The following SDR16C5 variants were observed in gnomAD, a reference collection of about 807,000 sequenced individuals.
SDR16C5 encodes the protein epidermal retinol dehydrogenase 2.
In SDR16C5, 20 loss-of-function variants were observed where a neutral mutation model predicts 27.7. The ratio of observed to expected loss-of-function variants is 0.72; its 90% CI spans 0.51 to 1.05. The LOEUF (loss-of-function observed/expected upper bound fraction) is 1.05. Among genes scored for constraint, SDR16C5 ranks in the 50% least tolerant of loss-of-function variants. The pLI is 0.00. For synonymous variants in SDR16C5, 139 were observed against 132.3 expected (o/e 1.05, Z -0.35); for missense variants, 374 against 366.3 (o/e 1.02, Z -0.17).
intron 3 of SDR16C5, among the ~76,000 whole-genome samples, chr8:56,309,981 T>A (rs1814982499): frequency 6.7e-6 from 1 of 148,524 alleles, no homozygotes; most frequent in South Asian, 2.1e-4. Flanking sequence ...GTAAAGGGAG[T>A]GAGATGACAT....
At chr8:56,304,160 A>T (rs1417603005) in intron 6 of SDR16C5, 29 of 679,352 alleles carry the variant, frequency 4.3e-5, no homozygotes, top group Non-Finnish European at 7.5e-5. Context: ...ATGAGAAAAG[A>T]AATTTCTGTA....
At chr8:56,308,803 G>A in intron 4 of SDR16C5, 125 bp downstream of exon 4, 1 of 622,794 alleles carries the variant, frequency 1.6e-6, no homozygotes, top group Middle Eastern at 3.0e-4. Context: ...ACCACTTATT[G>A]ACTATACTTT....
rs764688796 is a variant in SDR16C5, at chr8:56,305,644, C to T, written c.789G>A (p.Met263Ile). ...ATAACAACTTTGGCATATACAAGTACATTTTTTCTTGTAGAATAGCTTCTA... is the reference window on the plus strand; with the variant it reads ...ATAACAACTTTGGCATATACAAGTATATTTTTTCTTGTAGAATAGCTTCTA... ...KIVEAILQEK[M>I]YLYMPKLLYF... The change falls in exon 6 of 7, where the codon ATG becomes ATA. Residue 263 changes from methionine (M) to isoleucine (I), a missense_variant. By Grantham distance (10) the Met-to-Ile change is conservative. Coordinates refer to ENST00000303749, the MANE Select transcript of SDR16C5 (RefSeq NM_138969.4). 2.5e-6 allele frequency: 4 copies of T among 1,596,606 alleles called. No homozygotes were observed. The highest frequency in any genetic ancestry group is 2.7e-5 in the African/African-American group (2 of 73,998).
chr8:56,302,792 G>A (rs760814250), intron 6 of SDR16C5, among the ~76,000 whole-genome samples: 53 of 151,660 alleles, frequency 3.5e-4, no homozygotes, highest in Admixed American at 1.1e-3. Context: ...ACCAGCCTGG[G>A]CAACATAGCA....
At chr8:56,317,047 C>T (rs570569869) in intron 1 of SDR16C5, among the ~76,000 whole-genome samples, 2 of 152,140 alleles carry the variant, frequency 1.3e-5, no homozygotes, top group Non-Finnish European at 2.9e-5. Context: ...AGGTCACAGG[C>T]GAGGCAGACC....
intron 2 of SDR16C5, among the ~76,000 whole-genome samples, chr8:56,314,146 G>C (rs988438216): frequency 6.6e-6 from 1 of 151,994 alleles, no homozygotes; most frequent in East Asian, 1.9e-4. Context: ...GGTGGAGTTT[G>C]CAGTGAGCCA....
At chr8:56,309,814 G>T (rs960642606) in intron 3 of SDR16C5, among the ~76,000 whole-genome samples, 31 of 152,090 alleles carry the variant, frequency 2.0e-4, no homozygotes, top group African/African-American at 7.0e-4. Context: ...CAAACACTCT[G>T]GGGTCTGCCA....
intron 2 of SDR16C5, among the ~76,000 whole-genome samples, chr8:56,313,236 T>C (rs551665885): frequency 6.6e-6 from 1 of 152,222 alleles, no homozygotes; most frequent in Non-Finnish European, 1.5e-5. Flanking sequence ...TTAATCAATA[T>C]GATGGGACAT....
chr8:56,303,620 G>A (rs192842658), intron 6 of SDR16C5, among the ~76,000 whole-genome samples: 2 of 152,286 alleles, frequency 1.3e-5, no homozygotes, highest in Admixed American at 6.5e-5. Flanking sequence ...ATGTTTGGTG[G>A]AGTGTTTGAT....
intron 1 of SDR16C5, among the ~76,000 whole-genome samples, chr8:56,319,277 C>T (rs1377531672): frequency 6.6e-6 from 1 of 152,152 alleles, no homozygotes. Flanking sequence ...TAATGTGGCA[C>T]AGCCATAAAA....
chr8:56,306,845 G>T (rs143040777), intron 4 of SDR16C5, 25 bp from the exon 5 acceptor site: 1 of 1,594,652 alleles, frequency 6.3e-7, no homozygotes, highest in Admixed American at 1.8e-5. Flanking sequence ...GCATGATAAC[G>T]TATATTCCAA....
chr8:56,312,122 A>G (rs758940275), intron 3 of SDR16C5, 35 bp downstream of exon 3: 4 of 1,559,926 alleles, frequency 2.6e-6, no homozygotes, highest in East Asian at 4.5e-5. Context: ...TGCCAGAATA[A>G]TTTTACATTT....
chr8:56,311,972 C>T (rs1815054336), intron 3 of SDR16C5, among the ~76,000 whole-genome samples, 185 bp downstream of exon 3: 1 of 152,180 alleles, frequency 6.6e-6, no homozygotes, highest in Admixed American at 6.5e-5. Context: ...ATTCCCTAAG[C>T]AGAGGTCCTG....
At chr8:56,305,408 G>A (rs1446306944) in intron 6 of SDR16C5, among the ~76,000 whole-genome samples, 189 bp downstream of exon 6, 5 of 152,248 alleles carry the variant, frequency 3.3e-5, no homozygotes, top group South Asian at 2.1e-4. Context: ...GACTCATGGC[G>A]GGCACTGCAA....
rs977126925 is a variant in SDR16C5, at chr8:56,305,614, G to T, written c.819C>A (p.Phe273Leu). ...GTAATTACCTTTTAAGAAACATCATGAAGTATAACAACTTTGGCATATACA... is the reference window on the plus strand; with the variant it reads ...GTAATTACCTTTTAAGAAACATCATTAAGTATAACAACTTTGGCATATACA... ...MYLYMPKLLY[F>L]MMFLKSFLPL... is the part of the protein sequence containing the mutation. Residue 273 changes from phenylalanine to leucine, a missense_variant, in exon 6 of 7, where the codon TTC becomes TTA. Transcript: ENST00000303749. The T allele has an allele frequency of 2.5e-6, 4 of 1,586,934 alleles. No homozygotes were observed. The highest frequency in any genetic ancestry group is 3.4e-6 in the Non-Finnish European group (4 of 1,172,176).
At chr8:56,305,185 T>C (rs577238234) in intron 6 of SDR16C5, among the ~76,000 whole-genome samples, 7 of 152,226 alleles carry the variant, frequency 4.6e-5, no homozygotes, top group Admixed American at 2.6e-4. Context: ...CAAATTTCTA[T>C]AGCACTTGGC....
chr8:56,317,324 T>G (rs1243898639), intron 1 of SDR16C5, among the ~76,000 whole-genome samples: 2 of 152,004 alleles, frequency 1.3e-5, no homozygotes, highest in African/African-American at 4.8e-5. Context: ...AGGCCTCCCC[T>G]TGACAAACTC....
intron 6 of SDR16C5, 115 bp from the exon 7 acceptor site, chr8:56,301,688 CACACTATGCAGCCTGAGTGCT>C: frequency 1.4e-6 from 1 of 730,242 alleles, no homozygotes; most frequent in Non-Finnish European, 2.4e-6. Context: ...CACTCATGCA[CACACTATGCAGCCTGAGTGCT>C]ACCCGCCTCA....
chr8:56,312,363 A>C (rs1815067002), intron 2 of SDR16C5, 75 bp from the exon 3 acceptor site: 1 of 1,383,758 alleles, frequency 7.2e-7, no homozygotes. Flanking sequence ...CCAGAGTTTT[A>C]TGTTTTTTTT....
Sources: gnomAD v4.1 joint callset for allele counts (sites outside exome capture counted in the v4.1 genomes callset) on GRCh38, gnomAD v4.1.1 for gene constraint, MANE v1.5 for transcripts, NCBI Gene and HGNC (gene_info 2026-07-23, HGNC 2026-07-21) for gene names.